Variants in CTNNA2 observed in about 807,000 individuals in gnomAD.
CTNNA2 encodes catenin alpha-2.
In CTNNA2, 42 loss-of-function variants were observed where a neutral mutation model predicts 101.0. The observed-to-expected ratio is 0.42, with a 90% CI of 0.32 to 0.54. The LOEUF is 0.54. CTNNA2 is among the 20% of genes least tolerant of loss of function. The probability of loss-of-function intolerance (pLI) is 0.14; values close to 1 mark genes in which losing one functional copy is unlikely to be tolerated. For synonymous variants in CTNNA2, 450 were observed against 456.4 expected (o/e 0.99, Z 0.18); for missense variants, 871 against 1,223.1 (o/e 0.71, Z 4.29).
At chr2:80,205,243 G>A (rs1707461217) in intron 7 of CTNNA2, among the ~76,000 whole-genome samples, 1 of 151,946 alleles carries the variant, frequency 6.6e-6, no homozygotes, top group African/African-American at 2.4e-5. Context: ...TGATCCCAGG[G>A]AAAATGTGAC....
At chr2:79,757,131 ATAAACT>A (rs1172784772) in intron 3 of CTNNA2, among the ~76,000 whole-genome samples, 2 of 152,344 alleles carry the variant, frequency 1.3e-5, no homozygotes, top group Non-Finnish European at 2.9e-5. Flanking sequence ...ATTTTCTAAA[ATAAACT>A]TAGAATAATT....
At chr2:80,144,736 C>G (rs1270580239) in intron 7 of CTNNA2, among the ~76,000 whole-genome samples, 2 of 152,222 alleles carry the variant, frequency 1.3e-5, no homozygotes, top group Non-Finnish European at 2.9e-5. Flanking sequence ...CTTAACCACA[C>G]AATCTTCATT....
chr2:80,206,454 A>G (rs1169301202), intron 7 of CTNNA2, among the ~76,000 whole-genome samples: 1 of 152,264 alleles, frequency 6.6e-6, no homozygotes, highest in Non-Finnish European at 1.5e-5. Context: ...GTAAGATGCT[A>G]TCACATCACA....
intron 3 of CTNNA2, among the ~76,000 whole-genome samples, chr2:79,756,340 C>A (rs1672397655): frequency 6.6e-6 from 1 of 152,112 alleles, no homozygotes; most frequent in South Asian, 2.1e-4. Flanking sequence ...ATACTGATAT[C>A]CATGTGCATT....
chr2:79,982,238 AT>A (rs1558697528), intron 7 of CTNNA2, among the ~76,000 whole-genome samples: 1,679 of 89,622 alleles, frequency 0.019, 152 homozygotes, highest in African/African-American at 0.081. Context: ...ATATATATAT[AT>A]ATGTATGTAT....
chr2:79,583,297 A>G (rs1166673644), intron 1 of CTNNA2, among the ~76,000 whole-genome samples: 1 of 151,936 alleles, frequency 6.6e-6, no homozygotes, highest in Admixed American at 6.6e-5. Flanking sequence ...TCATATAAAA[A>G]AGTTTATACA....
intron 3 of CTNNA2, among the ~76,000 whole-genome samples, chr2:79,335,450 G>A (rs760950907): frequency 1.3e-5 from 2 of 152,076 alleles, no homozygotes; most frequent in Non-Finnish European, 2.9e-5. Flanking sequence ...CACTCTCCAG[G>A]CTGTTAATGC....
At chr2:80,309,672 G>T (rs1677357205) in intron 7 of CTNNA2, among the ~76,000 whole-genome samples, 1 of 123,660 alleles carries the variant, frequency 8.1e-6, no homozygotes, top group African/African-American at 3.1e-5. Context: ...TTTAATTTTT[G>T]TCACTTCTGT....
intron 9 of CTNNA2, among the ~76,000 whole-genome samples, chr2:80,536,414 A>G (rs1309708590): frequency 6.6e-6 from 1 of 152,134 alleles, no homozygotes; most frequent in Non-Finnish European, 1.5e-5. Flanking sequence ...TAACATGAGG[A>G]GCAAGTGCTT....
chr2:80,433,067 C>G (rs1409893014), intron 9 of CTNNA2, among the ~76,000 whole-genome samples: 2 of 152,034 alleles, frequency 1.3e-5, no homozygotes, highest in Non-Finnish European at 1.5e-5. Flanking sequence ...GGGACCTATC[C>G]CAACACAACA....
intron 18 of CTNNA2, among the ~76,000 whole-genome samples, chr2:80,622,933 C>T (rs1671283383): frequency 6.6e-6 from 1 of 150,424 alleles, no homozygotes; most frequent in Non-Finnish European, 1.5e-5. Context: ...GAATTAGCTT[C>T]TAGAATTTGT....
At chr2:80,248,610 G>A (rs1054054840) in intron 7 of CTNNA2, among the ~76,000 whole-genome samples, 3 of 152,166 alleles carry the variant, frequency 2.0e-5, no homozygotes, top group African/African-American at 7.2e-5. Context: ...CAACCACTGT[G>A]CTGCTTCCCC....
chr2:79,706,054 T>G (rs888604334), intron 2 of CTNNA2, among the ~76,000 whole-genome samples: 1 of 152,046 alleles, frequency 6.6e-6, no homozygotes, highest in African/African-American at 2.4e-5. Flanking sequence ...AAGGCCTTCG[T>G]GTGGTCTTAC....
intron 2 of CTNNA2, among the ~76,000 whole-genome samples, chr2:79,653,440 C>G (rs1241629672): frequency 6.6e-6 from 1 of 152,174 alleles, no homozygotes; most frequent in Non-Finnish European, 1.5e-5. Flanking sequence ...ATTAGAAAAA[C>G]AGGCTCCTCT....
At chr2:79,329,345 G>A (rs557601673) in intron 3 of CTNNA2, among the ~76,000 whole-genome samples, 3 of 152,210 alleles carry the variant, frequency 2.0e-5, no homozygotes, top group African/African-American at 4.8e-5. Flanking sequence ...ATATTTACCT[G>A]CCAGCTGTAA....
chr2:79,830,710 C>T (rs1490132512), intron 3 of CTNNA2, among the ~76,000 whole-genome samples: 1 of 152,078 alleles, frequency 6.6e-6, no homozygotes, highest in East Asian at 1.9e-4. Flanking sequence ...TCCCGGCATC[C>T]GTTCAAAATG....
chr2:80,436,492 AATAC>A (rs1289587760), intron 9 of CTNNA2, among the ~76,000 whole-genome samples: 1 of 152,132 alleles, frequency 6.6e-6, no homozygotes, highest in Non-Finnish European at 1.5e-5. Context: ...CATGGGTTCA[AATAC>A]ATATATATGT....
At chr2:80,297,086 G>A in intron 7 of CTNNA2, among the ~76,000 whole-genome samples, 1 of 152,150 alleles carries the variant, frequency 6.6e-6, no homozygotes, top group South Asian at 2.1e-4. Flanking sequence ...TCCTCTATTG[G>A]CAGAGTCCTG....
chr2:79,218,496 T>C (rs1342067725), intron 2 of CTNNA2, among the ~76,000 whole-genome samples: 1 of 151,776 alleles, frequency 6.6e-6, no homozygotes, highest in Non-Finnish European at 1.5e-5. Context: ...TTCATTTCTG[T>C]AAGTGTCAGT....
Sources: allele counts gnomAD v4.1 joint callset (sites outside exome capture counted in the v4.1 genomes callset), GRCh38; gene constraint gnomAD v4.1.1; transcripts MANE v1.5; gene names NCBI Gene and HGNC (gene_info 2026-07-23, HGNC 2026-07-21).